Variants in CDHR1 observed in about 807,000 individuals in gnomAD.
CDHR1 encodes the protein cadherin-related family member 1.
In CDHR1, 61 loss-of-function variants were observed where a neutral mutation model predicts 72.1. The observed-to-expected ratio is 0.85, with a 90% confidence interval of 0.69 to 1.05. The LOEUF is 1.05. Among genes scored for constraint, CDHR1 ranks in the 50% least tolerant of loss-of-function variants. The pLI is 0.00. For missense variants in CDHR1, 1,186 were observed against 1,115.7 expected, an observed-to-expected ratio of 1.06 and a Z score of -0.90; for synonymous variants, 470 against 448.1, an observed-to-expected ratio of 1.05 and a Z score of -0.62.
chr10:84,214,096 C>T lies in CDHR1; in HGVS notation c.2055C>T (p.Ser685=), dbSNP rs141036655. Residue 685 remains serine, a synonymous_variant, in exon 17 of 17, where the codon AGC becomes AGT. Coordinates refer to ENST00000623527, the MANE Select transcript of CDHR1 (RefSeq NM_033100.4). The part of the protein sequence containing the change: ...DITDAETLSR[S]PMAAFLIQTK... ...TTCTCTTTCAGACCCTCTCCCGGAG[C>T]CCCATGGCTGCCTTCCTGATACAGA... 1.8e-5 allele frequency: 29 copies of T among 1,614,088 alleles called. No individual in the cohort carries two copies. Among genetic ancestry groups the T allele is most frequent in the African/African-American group, 6.7e-5 (5 of 74,938 alleles).
At chr10:84,211,626 C>T (rs1421994459) in intron 13 of CDHR1, 22 bp from the exon 14 acceptor site, 5 of 1,612,508 alleles carry the variant, frequency 3.1e-6, no homozygotes, top group Middle Eastern at 3.3e-4. Flanking sequence ...GCACGTGCCA[C>T]CCAGGGCTCT....
chr10:84,217,210 G>A lies in CDHR1; in HGVS notation c.*2589G>A, dbSNP rs56127582. ...TGGTGGGCCAAGGGGCTGTCTGCTA[G>A]GTCCCAGTAGGACAGGCAGAGCTCC... is the stretch of plus-strand genomic sequence containing the variant. On this transcript the variant is annotated 3_prime_UTR_variant, in exon 17 of 17. Transcript: ENST00000623527. The A allele has an allele frequency of 0.088, 86,677 of 985,478 alleles. 4,112 individuals are homozygous for A. The highest frequency in any genetic ancestry group is 0.096 in the Non-Finnish European group (79,537 of 829,970). 61.0% of individuals were successfully genotyped at this position (985,478 alleles called of 1,614,324 possible).
intron 12 of CDHR1, 138 bp downstream of exon 12, chr10:84,209,019 C>A: frequency 2.1e-6 from 2 of 970,150 alleles, no homozygotes; most frequent in Admixed American, 2.0e-5. Context: ...AGCCCTCTGC[C>A]CCTCCTGCAG....
chr10:84,197,980 C>T (rs755472490), intron 4 of CDHR1, 144 bp downstream of exon 4: 6 of 774,344 alleles, frequency 7.7e-6, no homozygotes, highest in South Asian at 4.4e-5. Flanking sequence ...CCCAAAGTGC[C>T]CACAGGAGAG....
At position 84,195,527 on chromosome 10, in the gene CDHR1, A is replaced by G. The variant is rs757172364; in HGVS notation, c.89A>G (p.Asn30Ser). 9.3e-6 allele frequency: 15 copies of G among 1,614,092 alleles called. No individual in the cohort carries two copies. The highest frequency in any genetic ancestry group is 1.3e-5 in the Non-Finnish European group (15 of 1,179,998). The part of the protein sequence containing the change: ...QANFAPHFFD[N>S]GVGSTNGNMA... ...AACTTCGCCCCGCACTTCTTCGACA[A>G]CGGGGTCGGCAGCACCAACGGAAAC... Residue 30 changes from asparagine to serine, a missense_variant, in exon 2 of 17, where the codon AAC becomes AGC. Asn to Ser is a conservative substitution (Grantham distance 46). Coordinates refer to ENST00000623527, the MANE Select transcript of CDHR1 (RefSeq NM_033100.4).
chr10:84,213,062 C>G (rs753896040), intron 15 of CDHR1, 29 bp from the exon 16 acceptor site: 19 of 1,614,178 alleles, frequency 1.2e-5, no homozygotes, highest in Non-Finnish European at 1.5e-5. Context: ...CCCCAAAGCC[C>G]AGCTCTGTCT....
chr10:84,204,729 G>A, intron 9 of CDHR1, 124 bp downstream of exon 9: 1 of 720,978 alleles, frequency 1.4e-6, no homozygotes, highest in South Asian at 1.5e-5. Context: ...TGTATGGAGA[G>A]GAAGGGCTGT....
chr10:84,195,532 G>T lies in CDHR1; in HGVS notation c.94G>T (p.Val32Phe). The T allele has an allele frequency of 6.2e-7, 1 of 1,614,156 alleles. No homozygotes were observed. The highest frequency in any genetic ancestry group is 8.5e-7 in the Non-Finnish European group (1 of 1,180,000). The change falls in exon 2 of 17, where the codon GTC becomes TTC. Residue 32 changes from valine (V) to phenylalanine (F), a missense_variant. Val to Phe is a conservative substitution (Grantham distance 50). Coordinates refer to ENST00000623527, the MANE Select transcript of CDHR1 (RefSeq NM_033100.4). ...NFAPHFFDNGVGSTNGNMALF... is the reference protein window; with the variant it reads ...NFAPHFFDNGFGSTNGNMALF... ...CGCCCCGCACTTCTTCGACAACGGG[G>T]TCGGCAGCACCAACGGAAACATGGC... is the stretch of plus-strand genomic sequence containing the variant.
chr10:84,198,841 AAC>A (rs2132793790), intron 4 of CDHR1, among the ~76,000 whole-genome samples, 189 bp from the exon 5 acceptor site: 1 of 152,310 alleles, frequency 6.6e-6, no homozygotes, highest in African/African-American at 2.4e-5. Flanking sequence ...TCCAGGATGA[AAC>A]ACAGTGTTTG....
At position 84,203,800 on chromosome 10, in the gene CDHR1, G is replaced by A. The variant is rs375758417; in HGVS notation, c.783+677G>A. Among the ~76,000 whole-genome samples, 23 of 152,342 alleles carry A rather than the reference G, an allele frequency of 1.5e-4. 1 individual carries two copies. Among genetic ancestry groups the A allele is most frequent in the Non-Finnish European group, 2.6e-4 (18 of 68,034 alleles). Reference sequence around the variant, plus strand: ...GCTCAGAGTGAGGGAGAGAGATGCCGGACTGCTCTGGATGGGGGCTGCAGG... The same window carrying A: ...GCTCAGAGTGAGGGAGAGAGATGCCAGACTGCTCTGGATGGGGGCTGCAGG... On this transcript the variant is annotated intron_variant, in intron 8 of 16. Coordinates refer to ENST00000623527, the MANE Select transcript of CDHR1 (RefSeq NM_033100.4).
Position 84,215,665 on chromosome 10 carries a change from C to T in CDHR1, c.*1044C>T, listed in dbSNP as rs1842415029. The T allele has an allele frequency of 7.1e-6, 7 of 984,594 alleles. No individual in the cohort carries two copies. Among genetic ancestry groups the T allele is most frequent in the Non-Finnish European group, 8.4e-6 (7 of 829,312 alleles). The allele number at this position is 984,594 out of a possible 1,614,324, so 61.0% of individuals were successfully genotyped here. On this transcript the variant is annotated 3_prime_UTR_variant, in exon 17 of 17. Coordinates refer to ENST00000623527, the MANE Select transcript of CDHR1 (RefSeq NM_033100.4). ...AAATAGTGGTGATGAGGGCTTTAAC[C>T]AAGTGCAAAGCGGCATGAATGCAAA...
At chr10:84,195,412 G>T in intron 1 of CDHR1, 82 bp from the exon 2 acceptor site, 1 of 1,313,202 alleles carries the variant, frequency 7.6e-7, no homozygotes. Flanking sequence ...GCCTGACGCG[G>T]GACCGCGCTG....
chr10:84,201,248 A>G (rs1378333964), intron 6 of CDHR1, among the ~76,000 whole-genome samples: 6 of 152,156 alleles, frequency 3.9e-5, no homozygotes, highest in Non-Finnish European at 7.4e-5. Context: ...AAAGTCCCCA[A>G]TAACAGCACC....
chr10:84,204,614 G>C lies in CDHR1; in HGVS notation c.862+9G>C. On this transcript the variant is annotated intron_variant, in intron 9 of 16. Coordinates refer to ENST00000623527, the MANE Select transcript of CDHR1 (RefSeq NM_033100.4). ...CTACAGCCTTGTAAATGGTGAGTCT[G>C]AGCAGCTTTGGGGGCTGCAGCTTTG... 1 of 1,605,294 alleles carries C rather than the reference G, an allele frequency of 6.2e-7. No homozygotes were observed. Among genetic ancestry groups the C allele is most frequent in the Non-Finnish European group, 8.5e-7 (1 of 1,172,060 alleles).
intron 7 of CDHR1, 48 bp downstream of exon 7, chr10:84,201,968 G>T: frequency 1.4e-6 from 2 of 1,453,096 alleles, no homozygotes; most frequent in Non-Finnish European, 1.9e-6. Flanking sequence ...CAGCCCTTGG[G>T]TTGGAACCAA....
At chr10:84,210,106 G>A (rs1189811892) in intron 12 of CDHR1, among the ~76,000 whole-genome samples, 1 of 152,174 alleles carries the variant, frequency 6.6e-6, no homozygotes, top group Non-Finnish European at 1.5e-5. Flanking sequence ...TGTAGTCTCA[G>A]CTACTTGGAA....
At position 84,216,071 on chromosome 10, in the gene CDHR1, G is replaced by C. The variant is rs914766490; in HGVS notation, c.*1450G>C. 6.1e-6 allele frequency: 6 copies of C among 985,266 alleles called. No homozygotes were observed. The highest frequency in any genetic ancestry group is 6.1e-5 in the Admixed American group (1 of 16,266). The allele number at this position is 985,266 out of a possible 1,614,324, so 61.0% of individuals were successfully genotyped here. ...GGACAGAAGTCATACAAGGCCTCTG[G>C]GGTTAATACAAATAGGTTGTGCCCT... On this transcript the variant is annotated 3_prime_UTR_variant, in exon 17 of 17. Transcript: ENST00000623527.
At position 84,208,279 on chromosome 10, in the gene CDHR1, A is replaced by G. The variant is rs371607559; in HGVS notation, c.1069A>G (p.Ser357Gly). 1 of 1,614,036 alleles carries G rather than the reference A, an allele frequency of 6.2e-7. No individual in the cohort carries two copies. Among genetic ancestry groups the G allele is most frequent in the Non-Finnish European group, 8.5e-7 (1 of 1,180,036 alleles). ...CCACCCGCCAACATTCTATGGAGAG[A>G]GCGGACCCCAAAACAGGTTTGAGCT... is the stretch of plus-strand genomic sequence containing the variant. ...NNHPPTFYGE[S>G]GPQNRFELSM... The change falls in exon 11 of 17, where the codon AGC (serine) becomes GGC (glycine). Residue 357 changes from serine (S) to glycine (G), a missense_variant. Transcript: ENST00000623527.
intron 1 of CDHR1, 34 bp downstream of exon 1, chr10:84,194,849 A>G: frequency 6.5e-7 from 1 of 1,529,996 alleles, no homozygotes; most frequent in Non-Finnish European, 8.7e-7. Context: ...GGCCGCGTGG[A>G]TGGCGAGGGA....
Sources: gnomAD v4.1 joint callset for allele counts (sites outside exome capture counted in the v4.1 genomes callset) on GRCh38, gnomAD v4.1.1 for gene constraint, MANE v1.5 for transcripts, NCBI Gene and HGNC (gene_info 2026-07-23, HGNC 2026-07-21) for gene names.